FHIT: variants seen among roughly 807,000 people sequenced by gnomAD.
The protein encoded by FHIT is fragile histidine triad diadenosine triphosphatase.
Under a neutral mutation model 17.9 loss-of-function variants are expected in FHIT, and 19 were observed. The observed-to-expected ratio is 1.06, with a 90% CI of 0.74 to 1.56. The LOEUF is 1.56. FHIT is among the 40% of genes most tolerant of loss of function. The probability of loss-of-function intolerance (pLI) is 0.00; values close to 1 mark genes in which losing one functional copy is unlikely to be tolerated. For synonymous variants in FHIT, 81 were observed against 69.7 expected, an observed-to-expected ratio of 1.16 and a Z score of -0.81; for missense variants, 248 against 189.2, an observed-to-expected ratio of 1.31 and a Z score of -1.82.
intron 4 of FHIT, among the ~76,000 whole-genome samples, chr3:60,820,170 T>G (rs1376154409): frequency 6.6e-6 from 1 of 151,944 alleles, no homozygotes; most frequent in Non-Finnish European, 1.5e-5. Context: ...TAGGTGGGCC[T>G]GGTGGCGGGC....
At chr3:60,057,626 T>A (rs972429201) in intron 5 of FHIT, among the ~76,000 whole-genome samples, 9 of 152,168 alleles carry the variant, frequency 5.9e-5, no homozygotes, top group Non-Finnish European at 1.3e-4. Flanking sequence ...CTTTGTGGTC[T>A]TAATGCTTGA....
At chr3:60,360,588 C>G (rs1423451915) in intron 5 of FHIT, among the ~76,000 whole-genome samples, 1 of 152,094 alleles carries the variant, frequency 6.6e-6, no homozygotes, top group Non-Finnish European at 1.5e-5. Flanking sequence ...AAAATGAGGG[C>G]AACAATAGCT....
chr3:60,464,399 G>A (rs918244551), intron 5 of FHIT, among the ~76,000 whole-genome samples: 2 of 151,910 alleles, frequency 1.3e-5, no homozygotes, highest in African/African-American at 2.4e-5. Flanking sequence ...ATTTTAAAAT[G>A]TACAACAAAT....
chr3:59,892,099 C>A (rs578152776), intron 8 of FHIT, among the ~76,000 whole-genome samples: 1 of 152,306 alleles, frequency 6.6e-6, no homozygotes, highest in Non-Finnish European at 1.5e-5. Flanking sequence ...CCTTGACTTA[C>A]CTAAAGGCTC....
intron 5 of FHIT, among the ~76,000 whole-genome samples, chr3:60,088,336 C>T (rs1187342970): frequency 6.6e-6 from 1 of 152,190 alleles, no homozygotes; most frequent in Non-Finnish European, 1.5e-5. Flanking sequence ...TCCTTAGAAA[C>T]ACCACATGGT....
chr3:60,296,616 C>G (rs1404367305), intron 5 of FHIT, among the ~76,000 whole-genome samples: 2 of 151,946 alleles, frequency 1.3e-5, no homozygotes, highest in African/African-American at 4.8e-5. Flanking sequence ...TCTTTTTAGC[C>G]TCTTAGCAGA....
chr3:60,749,672 C>T (rs1440136629), intron 4 of FHIT, among the ~76,000 whole-genome samples: 1 of 152,100 alleles, frequency 6.6e-6, no homozygotes, highest in African/African-American at 2.4e-5. Flanking sequence ...GAATAAGACA[C>T]AGCAGGAAAA....
intron 1 of FHIT, among the ~76,000 whole-genome samples, chr3:61,220,163 C>T (rs190517973): frequency 5.3e-5 from 8 of 152,236 alleles, no homozygotes; most frequent in Admixed American, 3.3e-4. Flanking sequence ...TTTTATGCTA[C>T]GTTCAGTGAG....
At chr3:60,038,483 C>A (rs758526591) in intron 5 of FHIT, among the ~76,000 whole-genome samples, 2 of 152,162 alleles carry the variant, frequency 1.3e-5, no homozygotes, top group African/African-American at 2.4e-5. Flanking sequence ...TCAGGTATAA[C>A]TGCAGACAGT....
chr3:60,123,478 A>T (rs1417006869), intron 5 of FHIT, among the ~76,000 whole-genome samples: 3 of 152,204 alleles, frequency 2.0e-5, no homozygotes, highest in Admixed American at 1.3e-4. Flanking sequence ...AAACTTAGGG[A>T]GAAGTTGTGA....
At chr3:59,870,985 G>T (rs1448397297) in intron 8 of FHIT, among the ~76,000 whole-genome samples, 1 of 152,004 alleles carries the variant, frequency 6.6e-6, no homozygotes, top group Non-Finnish European at 1.5e-5. Flanking sequence ...ACACAAGTCT[G>T]ATCACATTGG....
At chr3:61,227,342 G>GC (rs2106855198) in intron 1 of FHIT, among the ~76,000 whole-genome samples, 1 of 152,136 alleles carries the variant, frequency 6.6e-6, no homozygotes, top group East Asian at 1.9e-4. Flanking sequence ...GTCCTATCTT[G>GC]CCACATAAGG....
intron 3 of FHIT, chr3:60,856,605 T>A (rs1436793123): frequency 1.3e-5 from 2 of 152,130 alleles, no homozygotes; most frequent in African/African-American, 2.4e-5. Flanking sequence ...AATATAATCT[T>A]CAAAGTGATC....
intron 8 of FHIT, among the ~76,000 whole-genome samples, chr3:59,803,164 TC>T (rs1317987431): frequency 2.0e-5 from 3 of 152,032 alleles, no homozygotes; most frequent in Non-Finnish European, 4.4e-5. Context: ...AAAACACATC[TC>T]CTTCCCTCCC....
intron 5 of FHIT, among the ~76,000 whole-genome samples, chr3:60,060,385 G>C (rs1161603314): frequency 6.6e-6 from 1 of 152,130 alleles, no homozygotes; most frequent in Non-Finnish European, 1.5e-5. Flanking sequence ...TGATTGCTTG[G>C]AGAAAACTAT....
intron 4 of FHIT, among the ~76,000 whole-genome samples, chr3:60,645,910 T>C (rs1218946568): frequency 6.6e-6 from 1 of 152,192 alleles, no homozygotes; most frequent in East Asian, 1.9e-4. Flanking sequence ...TTTCAATCCC[T>C]ATGTTCCCAG....
chr3:61,195,935 A>C (rs11711523), intron 2 of FHIT, among the ~76,000 whole-genome samples: 14,878 of 152,194 alleles, frequency 0.098, 782 homozygotes, highest in Non-Finnish European at 0.11. Flanking sequence ...AGAAAGACAA[A>C]AAATTTTATA....
At chr3:60,056,963 C>T (rs890113245) in intron 5 of FHIT, among the ~76,000 whole-genome samples, 2 of 152,112 alleles carry the variant, frequency 1.3e-5, no homozygotes, top group African/African-American at 2.4e-5. Context: ...GGGATCTTGC[C>T]ATCCCTGCCT....
intron 5 of FHIT, among the ~76,000 whole-genome samples, chr3:60,372,615 C>T (rs752904756): frequency 1.6e-4 from 24 of 152,126 alleles, no homozygotes; most frequent in Non-Finnish European, 2.1e-4. Flanking sequence ...AACAAACAAT[C>T]GAAAGCTCTT....
Sources: allele counts gnomAD v4.1 joint callset (sites outside exome capture counted in the v4.1 genomes callset), GRCh38; gene constraint gnomAD v4.1.1; transcripts MANE v1.5; gene names NCBI Gene and HGNC (gene_info 2026-07-23, HGNC 2026-07-21).